Variants in OPCML observed in about 807,000 individuals in gnomAD.
The protein encoded by OPCML is opioid binding protein/cell adhesion molecule like, also known as opioid-binding protein/cell adhesion molecule.
Under a neutral mutation model 37.8 loss-of-function variants are expected in OPCML, and 13 were observed. That is an observed-to-expected ratio of 0.34 (90% confidence interval 0.22 to 0.55). The LOEUF (loss-of-function observed/expected upper bound fraction) is 0.55. Among genes scored for constraint, OPCML ranks in the 20% least tolerant of loss-of-function variants. The pLI is 0.91. For synonymous variants in OPCML, 176 were observed against 168.8 expected (o/e 1.04, Z -0.33); for missense variants, 341 against 435.6 (o/e 0.78, Z 1.93).
intron 4 of OPCML, among the ~76,000 whole-genome samples, chr11:132,475,816 C>G (rs529742396): frequency 2.6e-5 from 4 of 152,264 alleles, no homozygotes; most frequent in African/African-American, 9.6e-5. Context: ...AGTATTTTGC[C>G]AAACATTGTA....
intron 1 of OPCML, among the ~76,000 whole-genome samples, chr11:132,957,312 T>C (rs1945994410): frequency 1.3e-5 from 2 of 151,508 alleles, no homozygotes; most frequent in Non-Finnish European, 1.5e-5. Context: ...GTGAAGAAAA[T>C]GGCAAAGAGG....
Position 132,998,844 on chromosome 11 carries a change from C to G in OPCML, c.62-55834G>C, listed in dbSNP as rs374069287. ...AGTAGGCCCTTGCCAGATACCCAATCTGTTGATGCCTGGGGAGTGGGTTTC... is the reference window on the plus strand; with the variant it reads ...AGTAGGCCCTTGCCAGATACCCAATGTGTTGATGCCTGGGGAGTGGGTTTC... On this transcript the variant is annotated intron_variant, in intron 1 of 7. Transcript: ENST00000524381. Among the ~76,000 whole-genome samples the G allele has an allele frequency of 3.3e-5, 5 of 152,314 alleles. No individual in the cohort carries two copies. In the East Asian group the frequency reaches 9.7e-4, roughly 29 times the overall value.
At chr11:133,437,898 A>G (rs1265456693) in intron 1 of OPCML, among the ~76,000 whole-genome samples, 1 of 152,232 alleles carries the variant, frequency 6.6e-6, no homozygotes, top group African/African-American at 2.4e-5. Context: ...ACTTGCATTC[A>G]AGTATGAGGA....
intron 1 of OPCML, among the ~76,000 whole-genome samples, chr11:133,367,561 A>G (rs909189489): frequency 6.6e-6 from 1 of 152,240 alleles, no homozygotes; most frequent in Non-Finnish European, 1.5e-5. Context: ...TACCTTTGCC[A>G]AAAGCCACAG....
intron 7 of OPCML, among the ~76,000 whole-genome samples, chr11:132,430,793 C>T (rs1344231226): frequency 6.6e-6 from 1 of 152,190 alleles, no homozygotes; most frequent in East Asian, 1.9e-4. Flanking sequence ...CTCTCCCCTT[C>T]CCCTGCCAGT....
At chr11:133,115,763 C>A (rs7115553) in intron 1 of OPCML, among the ~76,000 whole-genome samples, 18,676 of 151,900 alleles carry the variant, frequency 0.12, 1,234 homozygotes, top group East Asian at 0.23. Context: ...AGAGGAAAAA[C>A]ATGATAAAAT....
chr11:132,820,013 C>A (rs1190578234), intron 2 of OPCML, among the ~76,000 whole-genome samples: 1 of 152,100 alleles, frequency 6.6e-6, no homozygotes, highest in Non-Finnish European at 1.5e-5. Flanking sequence ...TGCATCTTCA[C>A]TCTGGAAACG....
In OPCML at chr11:133,079,362, C is replaced by A. The variant is rs567351231; in HGVS notation, c.62-136352G>T. On this transcript the variant is annotated intron_variant, in intron 1 of 7. Coordinates refer to ENST00000524381, the MANE Select transcript of OPCML (RefSeq NM_001012393.5). ...AGGCATTGACCATGCAGGAATGTCA[C>A]AGGGGGACCCACATTTTTGATGGGC... Among the ~76,000 whole-genome samples, 47 of 152,278 alleles carry A rather than the reference C, an allele frequency of 3.1e-4. 1 individual carries two copies. In the South Asian group the frequency reaches 9.1e-3, roughly 30 times the overall value.
At chr11:133,065,761 C>T (rs529257552) in intron 1 of OPCML, 1 of 152,406 alleles carries the variant, frequency 6.6e-6, no homozygotes, top group East Asian at 1.9e-4. Flanking sequence ...AAAGCTGAAA[C>T]ACTACCTGGG....
At chr11:133,086,014 T>C (rs146585410) in intron 1 of OPCML, among the ~76,000 whole-genome samples, 1,939 of 152,286 alleles carry the variant, frequency 0.013, 59 homozygotes, top group Admixed American at 0.062. Context: ...TCAGAGAAAA[T>C]AGAGGACAGT....
intron 1 of OPCML, among the ~76,000 whole-genome samples, chr11:133,131,117 G>C (rs1341468772): frequency 6.6e-6 from 1 of 152,078 alleles, no homozygotes; most frequent in East Asian, 1.9e-4. Context: ...CACCATGCAA[G>C]GACAGAGCAA....
chr11:132,684,773 C>A (rs553788442), intron 2 of OPCML, among the ~76,000 whole-genome samples: 8 of 152,260 alleles, frequency 5.3e-5, no homozygotes, highest in South Asian at 4.1e-4. Context: ...TGTTCAAAAA[C>A]CAACCAACAG....
intron 1 of OPCML, among the ~76,000 whole-genome samples, chr11:133,492,394 C>G (rs1327915212): frequency 6.6e-6 from 1 of 152,170 alleles, no homozygotes; most frequent in African/African-American, 2.4e-5. Context: ...TCCAAATCAG[C>G]TTTTCACCCA....
At chr11:132,954,178 C>A (rs1945926207) in intron 1 of OPCML, among the ~76,000 whole-genome samples, 1 of 151,526 alleles carries the variant, frequency 6.6e-6, no homozygotes, top group Non-Finnish European at 1.5e-5. Context: ...GGTGGGAGGA[C>A]CAATGTTCAT....
rs1944750704 is a variant in OPCML at position 133,374,374 on chromosome 11, AACGTT to A, written c.61+157885_61+157889del. ...CAGGAATCCCCAAGAGGCATGAGGA[AACGTT>A]TGGGAATAATGGATATCTTCACTAT... On this transcript the variant is annotated intron_variant, in intron 1 of 7. Coordinates refer to ENST00000524381, the MANE Select transcript of OPCML (RefSeq NM_001012393.5). Among the ~76,000 whole-genome samples the A allele has an allele frequency of 2.0e-5, 3 of 152,192 alleles. No homozygotes were observed. In the South Asian group the frequency reaches 6.2e-4, roughly 32 times the overall value.
rs145036059 is a variant in OPCML at position 132,433,589 on chromosome 11, A to G, written c.916+2497T>C. The stretch of plus-strand genomic sequence containing the variant: ...CTGCCTGTGCTATGGGCTGAATCGC[A>G]TCCCTCTACTACCGAATGTCTATGT... On this transcript the variant is annotated intron_variant, in intron 7 of 7. Transcript: ENST00000524381. 1.2e-3 allele frequency among the ~76,000 whole-genome samples: 184 copies of G among 152,316 alleles called. 1 individual carries two copies. The highest frequency in any genetic ancestry group is 4.1e-3 in the African/African-American group (169 of 41,564).
chr11:133,488,014 T>TAA (rs1164085660), intron 1 of OPCML, among the ~76,000 whole-genome samples: 1 of 151,920 alleles, frequency 6.6e-6, no homozygotes, highest in Non-Finnish European at 1.5e-5. Context: ...CAAAAAAGGA[T>TAA]AAAAATCATA....
intron 1 of OPCML, among the ~76,000 whole-genome samples, chr11:133,148,575 C>A (rs1949930428): frequency 6.6e-6 from 1 of 152,178 alleles, no homozygotes; most frequent in Admixed American, 6.5e-5. Flanking sequence ...TGGTGAAGAA[C>A]TGAAACAGCC....
chr11:132,462,899 A>T (rs1336255255), intron 4 of OPCML, among the ~76,000 whole-genome samples: 1 of 152,194 alleles, frequency 6.6e-6, no homozygotes, highest in African/African-American at 2.4e-5. Context: ...GGTAGCAAGG[A>T]TGAACAAATA....
Sources: allele counts gnomAD v4.1 joint callset (sites outside exome capture counted in the v4.1 genomes callset), GRCh38; gene constraint gnomAD v4.1.1; transcripts MANE v1.5; gene names NCBI Gene and HGNC (gene_info 2026-07-23, HGNC 2026-07-21).